Variants in TFEC observed in about 807,000 individuals in gnomAD.
TFEC encodes transcription factor EC.
In TFEC, 31 loss-of-function variants were observed where a neutral mutation model predicts 41.6. The ratio of observed to expected loss-of-function variants is 0.74; its 90% CI spans 0.56 to 1.01. The LOEUF is 1.01. TFEC is among the 50% of genes least tolerant of loss of function. TFEC has a pLI of 0.00. For synonymous variants in TFEC, 143 were observed against 140.6 expected, an observed-to-expected ratio of 1.02 and a Z score of -0.12; for missense variants, 402 against 404.1, an observed-to-expected ratio of 0.99 and a Z score of 0.04.
At chr7:116,148,491 A>C (rs987684337) in intron 1 of TFEC, among the ~76,000 whole-genome samples, 1 of 152,206 alleles carries the variant, frequency 6.6e-6, no homozygotes, top group Non-Finnish European at 1.5e-5. Flanking sequence ...AGGGAACAGA[A>C]GCAGGAACAG....
chr7:116,010,370 T>C (rs1242335570), intron 1 of TFEC, among the ~76,000 whole-genome samples: 1 of 152,172 alleles, frequency 6.6e-6, no homozygotes, highest in Non-Finnish European at 1.5e-5. Flanking sequence ...ATAGCTGGAT[T>C]CAAGAGATGT....
chr7:115,940,597 C>T lies in TFEC; in HGVS notation c.998G>A (p.Ser333Asn), dbSNP rs34601641. 12 of 1,613,128 alleles carry T rather than the reference C, an allele frequency of 7.4e-6. No individual in the cohort carries two copies. The African/African-American group carries it at 1.6e-4, about 22-fold the overall frequency. The change falls in exon 8 of 8, where the codon AGC becomes AAC. Residue 333 changes from serine to asparagine, a missense_variant. Coordinates refer to ENST00000265440, the MANE Select transcript of TFEC (RefSeq NM_012252.4). ...TGAGCTAAAGCTACTTCTCCTACTG[C>T]TTTCTTTGGAAACTGCAGGGGAAGT... ...SATSPAVSKE[S>N]SRRSSFSSDD...
intron 1 of TFEC, among the ~76,000 whole-genome samples, chr7:116,128,288 A>T (rs867358203): frequency 1.3e-5 from 2 of 152,332 alleles, no homozygotes; most frequent in African/African-American, 4.8e-5. Flanking sequence ...GAGACTTTTC[A>T]TTGGCAAAAA....
intron 1 of TFEC, among the ~76,000 whole-genome samples, chr7:116,013,927 T>C (rs1207019104): frequency 1.3e-5 from 2 of 152,142 alleles, no homozygotes; most frequent in East Asian, 3.8e-4. Flanking sequence ...CTTCATACAG[T>C]ACAGGACAAT....
At chr7:116,147,152 T>C (rs1382224350) in intron 1 of TFEC, among the ~76,000 whole-genome samples, 3 of 152,088 alleles carry the variant, frequency 2.0e-5, no homozygotes, top group Non-Finnish European at 4.4e-5. Flanking sequence ...GTTTCAGAAA[T>C]GGATGAGAAA....
At chr7:116,009,230 G>A (rs1038543499) in intron 1 of TFEC, among the ~76,000 whole-genome samples, 1 of 152,058 alleles carries the variant, frequency 6.6e-6, no homozygotes, top group African/African-American at 2.4e-5. Flanking sequence ...TGTTTAGGCT[G>A]ATCCATTTTT....
At chr7:115,941,784 G>A in intron 7 of TFEC, 109 bp downstream of exon 7, 2 of 1,416,974 alleles carry the variant, frequency 1.4e-6, no homozygotes, top group South Asian at 1.5e-5. Context: ...CCTTCAAAAG[G>A]AAAAATAATT....
intron 3 of TFEC, among the ~76,000 whole-genome samples, chr7:116,080,958 A>G (rs1360117023): frequency 6.7e-6 from 1 of 149,750 alleles, no homozygotes; most frequent in African/African-American, 2.5e-5. Context: ...TCAATCAACG[A>G]GTGGATAAAG....
At chr7:116,039,421 C>CTG (rs140778741) in intron 3 of TFEC, among the ~76,000 whole-genome samples, 3,080 of 144,292 alleles carry the variant, frequency 0.021, 36 homozygotes, top group Middle Eastern at 0.038. Flanking sequence ...AAAGAAAATT[C>CTG]TGTGTGTGTG....
chr7:116,119,811 A>T lies in TFEC; in HGVS notation c.-68-7773T>A, dbSNP rs543522269. ...AGGTTTATATACAATAAAATTTATC[A>T]TAGTCTTGTTTGAAATACTTCTCCC... On this transcript the variant is annotated intron_variant, in intron 1 of 8. Transcript: ENST00000484212. 2.6e-5 allele frequency among the ~76,000 whole-genome samples: 4 copies of T among 151,944 alleles called. No individual in the cohort carries two copies. The South Asian group carries it at 6.2e-4, about 24-fold the overall frequency.
At chr7:116,127,495 T>C (rs976570353) in intron 1 of TFEC, among the ~76,000 whole-genome samples, 9 of 152,138 alleles carry the variant, frequency 5.9e-5, no homozygotes, top group Non-Finnish European at 4.4e-5. Context: ...CATTGTCTTT[T>C]CTCTGTTTCT....
intron 1 of TFEC, among the ~76,000 whole-genome samples, chr7:116,129,635 C>T (rs1426077195): frequency 7.8e-6 from 1 of 127,986 alleles, no homozygotes; most frequent in Non-Finnish European, 1.6e-5. Context: ...CTCTGTTGCT[C>T]AGGTTGGAGT....
intron 1 of TFEC, among the ~76,000 whole-genome samples, chr7:116,029,088 T>C (rs975032585): frequency 2.0e-5 from 3 of 152,146 alleles, no homozygotes; most frequent in Non-Finnish European, 4.4e-5. Context: ...TCAGCTTGTT[T>C]CATTTTTGAC....
chr7:116,107,353 T>G (rs1797744365), intron 3 of TFEC, among the ~76,000 whole-genome samples: 1 of 152,168 alleles, frequency 6.6e-6, no homozygotes, highest in Non-Finnish European at 1.5e-5. Flanking sequence ...ACCATCTTGG[T>G]CATAATGACC....
intron 1 of TFEC, among the ~76,000 whole-genome samples, chr7:116,129,876 T>C (rs977981467): frequency 2.6e-5 from 4 of 152,100 alleles, no homozygotes; most frequent in Non-Finnish European, 5.9e-5. Context: ...AGATGCCTTT[T>C]TCTGATGTAC....
Position 115,987,485 on chromosome 7 carries a change from T to C in TFEC, c.-72-2972A>G, listed in dbSNP as rs73460604. ...AAGTAAATGAAATTATAGGTTGCCATTGTTCATTTGTTCACTTATTCAAGA... is the reference window on the plus strand; with the variant it reads ...AAGTAAATGAAATTATAGGTTGCCACTGTTCATTTGTTCACTTATTCAAGA... On this transcript the variant is annotated intron_variant, in intron 1 of 7. Transcript: ENST00000265440. Among the ~76,000 whole-genome samples, 848 of 152,342 alleles carry C rather than the reference T, an allele frequency of 5.6e-3. 9 individuals are homozygous for C. The highest frequency in any genetic ancestry group is 0.02 in the African/African-American group (819 of 41,580).
intron 3 of TFEC, among the ~76,000 whole-genome samples, chr7:116,046,424 C>T (rs996007897): frequency 2.0e-5 from 3 of 152,244 alleles, no homozygotes; most frequent in East Asian, 3.9e-4. Flanking sequence ...CAGAGGTTTC[C>T]ATTTTGTTTC....
intron 3 of TFEC, among the ~76,000 whole-genome samples, chr7:116,062,507 A>G (rs1308291713): frequency 6.8e-6 from 1 of 146,312 alleles, no homozygotes. Flanking sequence ...CTAATTCCAT[A>G]CAGGTTGCTG....
intron 1 of TFEC, among the ~76,000 whole-genome samples, chr7:115,984,859 G>A (rs1793782665): frequency 6.6e-6 from 1 of 151,958 alleles, no homozygotes; most frequent in African/African-American, 2.4e-5. Context: ...ACTATTACAA[G>A]TAATTTGTAT....
Sources: allele counts gnomAD v4.1 joint callset (sites outside exome capture counted in the v4.1 genomes callset), GRCh38; gene constraint gnomAD v4.1.1; transcripts MANE v1.5; gene names NCBI Gene and HGNC (gene_info 2026-07-23, HGNC 2026-07-21).